Variants in AP4E1 observed in about 807,000 individuals in gnomAD.
AP4E1 encodes AP-4 complex subunit epsilon-1.
AP4E1 carries 56 observed loss-of-function variants against 128.2 expected under a neutral mutation model. That is an observed-to-expected ratio of 0.44 (90% CI 0.35 to 0.55). AP4E1 has a LOEUF of 0.55. AP4E1 is among the 20% of genes least tolerant of loss of function. The pLI is 0.00. For missense variants in AP4E1, 1,324 were observed against 1,307.7 expected, an observed-to-expected ratio of 1.01 and a Z score of -0.19; for synonymous variants, 484 against 473.1, an observed-to-expected ratio of 1.02 and a Z score of -0.30.
intron 7 of AP4E1, among the ~76,000 whole-genome samples, chr15:50,931,524 C>T (rs2063835867): frequency 6.6e-6 from 1 of 152,018 alleles, no homozygotes; most frequent in Non-Finnish European, 1.5e-5. Context: ...CGAGATTGTG[C>T]CACTGCACTC....
chr15:50,975,411 A>T (rs1813195896), intron 15 of AP4E1, among the ~76,000 whole-genome samples: 1 of 152,282 alleles, frequency 6.6e-6, no homozygotes, highest in Non-Finnish European at 1.5e-5. Flanking sequence ...ATCTCTTTCT[A>T]TGAGTTTTAC....
chr15:51,000,515 A>G (rs924435689), intron 19 of AP4E1, among the ~76,000 whole-genome samples: 2 of 152,228 alleles, frequency 1.3e-5, no homozygotes, highest in African/African-American at 4.8e-5. Context: ...TGTGGTGCTG[A>G]TAGGATAAAA....
intron 3 of AP4E1, among the ~76,000 whole-genome samples, chr15:50,918,955 A>G (rs1386692836): frequency 6.6e-6 from 1 of 152,068 alleles, no homozygotes; most frequent in African/African-American, 2.4e-5. Flanking sequence ...TTGGCTGGGC[A>G]TGGTGGCTCA....
intron 13 of AP4E1, among the ~76,000 whole-genome samples, chr15:50,957,671 C>CTTTTTTTTT (rs61656848): frequency 1.6e-4 from 14 of 87,982 alleles, no homozygotes; most frequent in African/African-American, 3.9e-4. Flanking sequence ...ACAAGCGTTT[C>CTTTTTTTTT]TTTTTTTTTT....
chr15:50,949,992 A>G (rs1265004283), intron 12 of AP4E1, 54 bp downstream of exon 12: 11 of 1,587,572 alleles, frequency 6.9e-6, no homozygotes, highest in Non-Finnish European at 8.6e-6. Flanking sequence ...TAATGTTTTT[A>G]TTACAGAGTC....
At position 50,950,116 on chromosome 15, in the gene AP4E1, C is replaced by T; in HGVS notation, c.1495C>T (p.Leu499=). Residue 499 remains leucine, a synonymous_variant, in exon 13 of 21, where the codon CTG becomes TTG. Transcript: ENST00000261842. ...LYAVQSYLTL[L]DMENVFYPQR... is the part of the protein sequence containing the mutation. The stretch of plus-strand genomic sequence containing the variant: ...TGCAGTTCAGTCTTATCTCACTTTA[C>T]TGGATATGGAAAATGTGTTCTATCC... The T allele has an allele frequency of 6.2e-7, 1 of 1,613,458 alleles. No individual in the cohort carries two copies. Among genetic ancestry groups the T allele is most frequent in the Non-Finnish European group, 8.5e-7 (1 of 1,179,708 alleles).
At position 50,999,228 on chromosome 15, in the gene AP4E1, T is replaced by C; in HGVS notation, c.3061T>C (p.Phe1021Leu). Residue 1021 changes from phenylalanine (F) to leucine (L), a missense_variant, in exon 19 of 21, where the codon TTT (phenylalanine) becomes CTT (leucine). Phe to Leu is a conservative substitution (Grantham distance 22). Coordinates refer to ENST00000261842, the MANE Select transcript of AP4E1 (RefSeq NM_007347.5). ...GGATACTCATTCTGCTCAGCTGGAATTTTCTGTAAACTTATCACTATTAGA... is the reference window on the plus strand; with the variant it reads ...GGATACTCATTCTGCTCAGCTGGAACTTTCTGTAAACTTATCACTATTAGA... ...MMDTHSAQLE[F>L]SVNLSLLDFI... 1 of 1,612,494 alleles carries C rather than the reference T, an allele frequency of 6.2e-7. No individual in the cohort carries two copies.
chr15:50,987,941 A>G (rs2064751186), intron 16 of AP4E1, among the ~76,000 whole-genome samples: 1 of 152,180 alleles, frequency 6.6e-6, no homozygotes, highest in African/African-American at 2.4e-5. Flanking sequence ...ACGTAGTAAT[A>G]ATATGTGTTA....
intron 14 of AP4E1, among the ~76,000 whole-genome samples, chr15:50,959,858 G>C (rs1439534462): frequency 6.6e-6 from 1 of 152,056 alleles, no homozygotes; most frequent in Non-Finnish European, 1.5e-5. Context: ...AACAAAATAA[G>C]ATCCAGCTAT....
At position 50,958,699 on chromosome 15, in the gene AP4E1, A is replaced by G; in HGVS notation, c.1756A>G (p.Met586Val). Reference protein sequence around the residue: ...HEFTISLDTCMRQHAFELKHL... With the variant: ...HEFTISLDTCVRQHAFELKHL... ...ATTTACCATATCTTTGGATACTTGT[A>G]TGAGACAACATGCATTTGAATTAAA... Residue 586 changes from methionine to valine, a missense_variant, in exon 14 of 21, where the codon ATG becomes GTG. Coordinates refer to ENST00000261842, the MANE Select transcript of AP4E1 (RefSeq NM_007347.5). 1 of 1,614,148 alleles carries G rather than the reference A, an allele frequency of 6.2e-7. No homozygotes were observed.
At position 51,005,686 on chromosome 15, in the gene AP4E1, G is replaced by A. The variant is rs1178360744; in HGVS notation, c.*3024G>A. 8 of 152,432 alleles carry A rather than the reference G, an allele frequency of 5.2e-5. No homozygotes were observed. The highest frequency in any genetic ancestry group is 4.6e-4 in the Admixed American group (7 of 15,262). 9.4% of individuals were successfully genotyped at this position (152,432 alleles called of 1,614,324 possible). ...TGATCTGTTTATCTTATATTTTTAT[G>A]GATAAATGTAGTATTTGCCTCATGA... On this transcript the variant is annotated 3_prime_UTR_variant, in exon 21 of 21. Transcript: ENST00000261842.
At chr15:50,971,920 T>C (rs1043750247) in intron 15 of AP4E1, among the ~76,000 whole-genome samples, 12 of 152,176 alleles carry the variant, frequency 7.9e-5, no homozygotes, top group African/African-American at 2.9e-4. Flanking sequence ...AATATTGTTA[T>C]TTTGAATTCC....
chr15:50,995,491 T>C (rs573177066), intron 17 of AP4E1, among the ~76,000 whole-genome samples: 9 of 150,874 alleles, frequency 6.0e-5, no homozygotes, highest in African/African-American at 1.9e-4. Flanking sequence ...TCCGCCTCAA[T>C]TCGCCTGTCT....
rs1259076921 is a variant in AP4E1, at chr15:51,004,554, A to G, written c.*1892A>G. ...TTGTCGTGAGAGACATGCTTGGCAT[A>G]CAGAGCTGTCTAATGGGTGGGAGAC... On this transcript the variant is annotated 3_prime_UTR_variant, in exon 21 of 21. Transcript: ENST00000261842. The G allele has an allele frequency of 2.0e-5, 3 of 152,506 alleles. No individual in the cohort carries two copies. The highest frequency in any genetic ancestry group is 2.9e-5 in the Non-Finnish European group (2 of 68,040). The allele number at this position is 152,506 out of a possible 1,614,324, so 9.4% of individuals were successfully genotyped here.
intron 15 of AP4E1, among the ~76,000 whole-genome samples, chr15:50,972,198 GTTTCTTTC>G (rs145100423): frequency 3.3e-5 from 5 of 151,086 alleles, no homozygotes; most frequent in East Asian, 2.0e-4. Flanking sequence ...TCTTCATGTA[GTTTCTTTC>G]TTTCTTTCTT....
chr15:50,970,514 T>C (rs2064464064), intron 15 of AP4E1, among the ~76,000 whole-genome samples: 2 of 152,256 alleles, frequency 1.3e-5, no homozygotes, highest in African/African-American at 2.4e-5. Flanking sequence ...CCTTTGGGTC[T>C]AATATTTGCT....
chr15:50,949,178 A>G (rs1171253745), intron 11 of AP4E1, among the ~76,000 whole-genome samples: 1 of 151,874 alleles, frequency 6.6e-6, no homozygotes, highest in Non-Finnish European at 1.5e-5. Flanking sequence ...TGGGAGGCAG[A>G]GGTGGGAGGA....
intron 15 of AP4E1, among the ~76,000 whole-genome samples, chr15:50,974,523 T>C (rs2064526247): frequency 6.6e-6 from 1 of 152,132 alleles, no homozygotes; most frequent in Non-Finnish European, 1.5e-5. Flanking sequence ...TACCTTGACG[T>C]TGCAAAGCAC....
intron 14 of AP4E1, among the ~76,000 whole-genome samples, chr15:50,964,582 G>A (rs2064361880): frequency 6.6e-6 from 1 of 151,506 alleles, no homozygotes; most frequent in Non-Finnish European, 1.5e-5. Flanking sequence ...ATGTGTATCT[G>A]GTATCATAGC....
Sources: gnomAD v4.1 joint callset for allele counts (sites outside exome capture counted in the v4.1 genomes callset) on GRCh38, gnomAD v4.1.1 for gene constraint, MANE v1.5 for transcripts, NCBI Gene and HGNC (gene_info 2026-07-23, HGNC 2026-07-21) for gene names.